Variants in GIT2 observed in about 807,000 individuals in gnomAD.
GIT2 encodes the protein ARF GTPase-activating protein GIT2.
A neutral mutation model predicts 100.3 loss-of-function variants in GIT2; 32 were observed. The observed-to-expected ratio is 0.32, with a 90% CI of 0.24 to 0.43. The LOEUF (loss-of-function observed/expected upper bound fraction) is 0.43. GIT2 is among the 20% of genes least tolerant of loss of function. The pLI, the probability that GIT2 is intolerant of heterozygous loss-of-function variation, is 1.00. For synonymous variants in GIT2, 353 were observed against 364.1 expected (o/e 0.97, Z 0.35); for missense variants, 737 against 975.1 (o/e 0.76, Z 3.25).
At chr12:109,946,549 C>A (rs1876400239) in intron 15 of GIT2, among the ~76,000 whole-genome samples, 1 of 152,190 alleles carries the variant, frequency 6.6e-6, no homozygotes, top group Non-Finnish European at 1.5e-5. Context: ...CAGTATGTAT[C>A]CCAATGCAAA....
chr12:109,989,878 G>A (rs1345787206), intron 2 of GIT2, 76 bp from the exon 3 acceptor site: 4 of 779,290 alleles, frequency 5.1e-6, no homozygotes, highest in Non-Finnish European at 9.1e-6. Context: ...ACTGAACAGA[G>A]TAAACAAAGT....
upstream of GIT2, chr12:109,999,239 C>T (rs187299153): frequency 5.0e-3 from 767 of 153,204 alleles, 4 homozygotes; most frequent in Middle Eastern, 0.02. The surrounding 1 kb of genome is among the most constrained non-coding windows in gnomAD (Gnocchi z 4.3). Context: ...ACGGAACTTT[C>T]CGCGTGGAGA....
intron 11 of GIT2, 36 bp downstream of exon 11, chr12:109,961,242 C>T: frequency 1.8e-6 from 2 of 1,135,550 alleles, no homozygotes; most frequent in Non-Finnish European, 2.7e-6. Flanking sequence ...TCAGCCATTC[C>T]CCAACTACTA....
chr12:109,956,814 C>T (rs1879615222), intron 12 of GIT2, among the ~76,000 whole-genome samples: 2 of 151,856 alleles, frequency 1.3e-5, no homozygotes, highest in South Asian at 4.2e-4. Flanking sequence ...GCTGGGAATT[C>T]GAGAATAGCC....
At chr12:109,981,106 A>T (rs1018963242) in intron 6 of GIT2, 60 bp from the exon 7 acceptor site, 1 of 1,119,110 alleles carries the variant, frequency 8.9e-7, no homozygotes, top group African/African-American at 1.5e-5. Context: ...TTTAAAATGG[A>T]GTACAAAGAC....
intron 12 of GIT2, among the ~76,000 whole-genome samples, chr12:109,958,719 A>G (rs1880251574): frequency 6.6e-6 from 1 of 152,250 alleles, no homozygotes; most frequent in Non-Finnish European, 1.5e-5. Context: ...GGGGAATGTG[A>G]TACTGACTGA....
intron 12 of GIT2, among the ~76,000 whole-genome samples, chr12:109,954,737 A>T (rs1385715641): frequency 6.6e-6 from 1 of 151,974 alleles, no homozygotes; most frequent in Non-Finnish European, 1.5e-5. Flanking sequence ...CATCCCTACT[A>T]AAAATACAAA....
intron 4 of GIT2, among the ~76,000 whole-genome samples, chr12:109,986,427 C>T (rs993471124): frequency 2.6e-5 from 4 of 152,086 alleles, no homozygotes; most frequent in South Asian, 4.1e-4. Context: ...GTTAGGAGTT[C>T]GAGACCAGCC....
intron 9 of GIT2, 101 bp from the exon 10 acceptor site, chr12:109,961,786 C>A: frequency 2.7e-6 from 2 of 751,586 alleles, no homozygotes; most frequent in South Asian, 1.4e-5. Context: ...TACGTCTTAT[C>A]CAATGCCAGT....
At chr12:109,976,105 TACAC>T (rs145928011) in intron 7 of GIT2, among the ~76,000 whole-genome samples, 1 of 149,016 alleles carries the variant, frequency 6.7e-6, no homozygotes, top group South Asian at 2.1e-4. Context: ...GAAATTACTA[TACAC>T]ACACACACAC....
intron 7 of GIT2, among the ~76,000 whole-genome samples, chr12:109,979,788 G>C (rs531804562): frequency 1.1e-4 from 16 of 152,014 alleles, no homozygotes; most frequent in Non-Finnish European, 1.6e-4. Context: ...GACACGGTGG[G>C]GTGTGCTTAC....
chr12:109,973,036 C>T (rs1265856322), intron 7 of GIT2, among the ~76,000 whole-genome samples: 1 of 152,086 alleles, frequency 6.6e-6, no homozygotes, highest in African/African-American at 2.4e-5. Context: ...CTATGTTGCC[C>T]AGGCTGGTCG....
intron 13 of GIT2, 117 bp from the exon 14 acceptor site, chr12:109,951,433 A>G: frequency 1.3e-6 from 1 of 765,306 alleles, no homozygotes; most frequent in South Asian, 1.7e-5. Context: ...AGTCAAACCA[A>G]ATCAAGGCCT....
rs1871807574 is a variant in GIT2, at chr12:109,932,411, G to C, written c.*567C>G. 6.5e-6 allele frequency: 1 copy of C among 153,206 alleles called. No homozygotes were observed. The highest frequency in any genetic ancestry group is 2.4e-5 in the African/African-American group (1 of 41,442). 9.5% of individuals were successfully genotyped at this position (153,206 alleles called of 1,614,324 possible). ...ACAGGGTAAAACACTGAGAAGAAAT[G>C]AACCAATTCATTGTTTCCTCCCAAG... is the stretch of plus-strand genomic sequence containing the variant. On this transcript the variant is annotated 3_prime_UTR_variant, in exon 20 of 20. Transcript: ENST00000355312.
At chr12:109,994,080 A>C (rs554826114) in intron 1 of GIT2, among the ~76,000 whole-genome samples, 278 of 146,774 alleles carry the variant, frequency 1.9e-3, no homozygotes, top group African/African-American at 6.5e-3. Context: ...AATGGCAAAA[A>C]AAAAAAAAAA....
At chr12:109,977,578 C>CT (rs1470967289) in intron 7 of GIT2, among the ~76,000 whole-genome samples, 1 of 151,776 alleles carries the variant, frequency 6.6e-6, no homozygotes, top group Non-Finnish European at 1.5e-5. Flanking sequence ...AGTCCCAGCC[C>CT]TTTGGGAAGC....
chr12:109,991,990 T>C, intron 1 of GIT2: 1 of 444,102 alleles, frequency 2.3e-6, no homozygotes, highest in Non-Finnish European at 4.0e-6. Flanking sequence ...GGGTAAACAG[T>C]TATCTTCTTT....
intron 2 of GIT2, among the ~76,000 whole-genome samples, chr12:109,990,244 T>TA (rs1218341378): frequency 6.6e-6 from 1 of 151,962 alleles, no homozygotes; most frequent in Admixed American, 6.6e-5. Flanking sequence ...ATGTAACCAT[T>TA]AAAAAAAACA....
At chr12:109,995,952 G>A in intron 1 of GIT2, 1 of 464,410 alleles carries the variant, frequency 2.2e-6, no homozygotes, top group East Asian at 3.6e-5. Flanking sequence ...GGGAACGGGA[G>A]GGAACGAGAG....
Sources: gnomAD v4.1 joint callset for allele counts (sites outside exome capture counted in the v4.1 genomes callset) on GRCh38, gnomAD v4.1.1 for gene constraint, Gnocchi (gnomAD v3.1) non-coding constraint, MANE v1.5 for transcripts, NCBI Gene and HGNC (gene_info 2026-07-23, HGNC 2026-07-21) for gene names.